BSPRY: variants seen among roughly 807,000 people sequenced by gnomAD.
BSPRY encodes B-box and SPRY domain containing, also known as B box and SPRY domain-containing protein.
In BSPRY, 33 loss-of-function variants were observed where a neutral mutation model predicts 38.0. That is an observed-to-expected ratio of 0.87 (90% confidence interval 0.66 to 1.16). BSPRY has a LOEUF of 1.16. Ranked by LOEUF, BSPRY falls within the 50% of genes most tolerant of loss-of-function variation. BSPRY has a pLI of 0.00. For synonymous variants in BSPRY, 224 were observed against 228.5 expected (o/e 0.98, Z 0.18); for missense variants, 523 against 533.2 (o/e 0.98, Z 0.19).
rs1413856553 is a variant in BSPRY at position 113,357,902 on chromosome 9, A to C, written c.301-2605A>C. Among the ~76,000 whole-genome samples, 3 of 4,462 alleles carry C rather than the reference A, an allele frequency of 6.7e-4. 1 individual carries two copies. Among genetic ancestry groups the C allele is most frequent in the Non-Finnish European group, 1.3e-3 (3 of 2,308 alleles). 2.9% of individuals were successfully genotyped at this position (4,462 alleles called of 152,430 possible). ...TGTAGAGTTCTATATATATATATATATATATATATATATATATATATATAT... is the reference window on the plus strand; with the variant it reads ...TGTAGAGTTCTATATATATATATATCTATATATATATATATATATATATAT... On this transcript the variant is annotated intron_variant, in intron 2 of 5. Transcript: ENST00000374183.
At position 113,369,693 on chromosome 9, in the gene BSPRY, T is replaced by G; in HGVS notation, c.760T>G (p.Phe254Val). The change falls in exon 6 of 6, where the codon TTC becomes GTC. Residue 254 changes from phenylalanine (F) to valine (V), a missense_variant. Physicochemically the swap from Phe to Val is conservative, Grantham distance 50. Coordinates refer to ENST00000374183, the MANE Select transcript of BSPRY (RefSeq NM_017688.3). Reference sequence around the variant, plus strand: ...GTCAGATGATCGAAAGACCCTGACCTTCAGCACCAAGAAGTCAAAGGCCTG... The same window carrying G: ...GTCAGATGATCGAAAGACCCTGACCGTCAGCACCAAGAAGTCAAAGGCCTG... The part of the protein sequence containing the change: ...QLSDDRKTLT[F>V]STKKSKACAD... 6.2e-7 allele frequency: 1 copy of G among 1,614,194 alleles called. No individual in the cohort carries two copies. Among genetic ancestry groups the G allele is most frequent in the Non-Finnish European group, 8.5e-7 (1 of 1,180,030 alleles).
At chr9:113,355,996 A>G (rs1447543657) in intron 2 of BSPRY, among the ~76,000 whole-genome samples, 3 of 152,204 alleles carry the variant, frequency 2.0e-5, no homozygotes, top group African/African-American at 7.2e-5. Context: ...AGCACCTACC[A>G]TGTGCCAGAT....
chr9:113,353,105 G>C (rs1488134264), intron 1 of BSPRY, among the ~76,000 whole-genome samples: 1 of 152,224 alleles, frequency 6.6e-6, no homozygotes, highest in Admixed American at 6.5e-5. Context: ...GTTATAACGG[G>C]CTGAGCGTGG....
chr9:113,366,915 A>T (rs76490964), intron 4 of BSPRY, among the ~76,000 whole-genome samples: 13,334 of 152,256 alleles, frequency 0.088, 666 homozygotes, highest in African/African-American at 0.13. Flanking sequence ...GCCATGAGAT[A>T]TGGGGAGAGA....
intron 2 of BSPRY, among the ~76,000 whole-genome samples, chr9:113,357,938 A>G (rs1420325515): frequency 5.2e-5 from 4 of 77,032 alleles, no homozygotes; most frequent in African/African-American, 2.3e-4. Flanking sequence ...ATATATATAT[A>G]TATATCTCTA....
chr9:113,354,158 G>T lies in BSPRY; in HGVS notation c.202-82G>T, dbSNP rs939314621. On this transcript the variant is annotated intron_variant, in intron 1 of 5. Coordinates refer to ENST00000374183, the MANE Select transcript of BSPRY (RefSeq NM_017688.3). ...CCATGGGAGTGGGTGGCTGACATGT[G>T]GTAACAGGAGAAAATCACTGGGATG... 3.0e-4 allele frequency: 344 copies of T among 1,159,140 alleles called. 1 individual carries two copies. The highest frequency in any genetic ancestry group is 6.3e-5 in the Non-Finnish European group (49 of 777,172). 71.8% of individuals were successfully genotyped at this position (1,159,140 alleles called of 1,614,324 possible).
chr9:113,359,583 C>T (rs1834116562), intron 2 of BSPRY, among the ~76,000 whole-genome samples: 1 of 152,208 alleles, frequency 6.6e-6, no homozygotes, highest in South Asian at 2.1e-4. Flanking sequence ...AGTGCAGCTG[C>T]CTTATGCAAC....
intron 2 of BSPRY, among the ~76,000 whole-genome samples, chr9:113,359,885 A>ATT (rs1834120936): frequency 9.5e-6 from 1 of 104,760 alleles, no homozygotes; most frequent in Non-Finnish European, 1.8e-5. Flanking sequence ...AAAAAATTTA[A>ATT]AAAAAAAAAT....
chr9:113,356,611 G>T (rs977300360), intron 2 of BSPRY, among the ~76,000 whole-genome samples: 1 of 152,194 alleles, frequency 6.6e-6, no homozygotes, highest in Non-Finnish European at 1.5e-5. Context: ...AATCCAGGTG[G>T]GAAACAAGTG....
chr9:113,356,232 C>T (rs1202912864), intron 2 of BSPRY, among the ~76,000 whole-genome samples: 1 of 152,124 alleles, frequency 6.6e-6, no homozygotes, highest in Non-Finnish European at 1.5e-5. Flanking sequence ...AGGCTGGGCG[C>T]AGTGGCTCAT....
At chr9:113,361,647 G>A (rs1245891517) in intron 3 of BSPRY, among the ~76,000 whole-genome samples, 1 of 152,164 alleles carries the variant, frequency 6.6e-6, no homozygotes, top group East Asian at 1.9e-4. Context: ...AACTAGCTGT[G>A]TCAAAGGAAG....
rs527634482 is a variant in BSPRY at position 113,371,069 on chromosome 9, T to A, written c.*927T>A. 1 of 102,520 alleles carries A rather than the reference T, an allele frequency of 9.8e-6. No homozygotes were observed. The highest frequency in any genetic ancestry group is 2.9e-5 in the African/African-American group (1 of 34,688). The allele number at this position is 102,520 out of a possible 1,614,324, so 6.4% of individuals were successfully genotyped here. ...CCCACTGATAATAGCAGGGACGGCC[T>A]TTTCTCTTAGAGCAGCTGATAAGTT... On this transcript the variant is annotated 3_prime_UTR_variant, in exon 6 of 6. Transcript: ENST00000374183.
intron 4 of BSPRY, among the ~76,000 whole-genome samples, chr9:113,366,973 T>C (rs1480814352): frequency 1.3e-5 from 2 of 152,188 alleles, no homozygotes; most frequent in East Asian, 1.9e-4. Flanking sequence ...ATCTTCAGGA[T>C]TGGAGGCAGT....
intron 1 of BSPRY, among the ~76,000 whole-genome samples, chr9:113,351,127 G>A (rs985234883): frequency 6.6e-6 from 1 of 152,156 alleles, no homozygotes; most frequent in Admixed American, 6.5e-5. Context: ...CTTAAAAGTA[G>A]CTATCAGGAC....
At chr9:113,359,954 C>T (rs1429445797) in intron 2 of BSPRY, among the ~76,000 whole-genome samples, 1 of 152,114 alleles carries the variant, frequency 6.6e-6, no homozygotes, top group Non-Finnish European at 1.5e-5. Flanking sequence ...CTAAGAATTA[C>T]AAGAAGACAC....
At position 113,370,399 on chromosome 9, in the gene BSPRY, A is replaced by C; in HGVS notation, c.*257A>C. On this transcript the variant is annotated 3_prime_UTR_variant, in exon 6 of 6. Transcript: ENST00000374183. This position sits in a 1 kb window ranked among gnomAD's most constrained non-coding sequence, Gnocchi z 4.8. ...GGGCCACATAAAATACACTAACGAT[A>C]GCTGATGAGCTAAAAAAAAAAAAAA... 3.0e-6 allele frequency: 1 copy of C among 338,950 alleles called. No individual in the cohort carries two copies. Among genetic ancestry groups the C allele is most frequent in the Non-Finnish European group, 5.2e-6 (1 of 192,840 alleles). The allele number at this position is 338,950 out of a possible 1,614,324, so 21.0% of individuals were successfully genotyped here.
chr9:113,358,430 A>T (rs1246225646), intron 2 of BSPRY, among the ~76,000 whole-genome samples: 1 of 151,622 alleles, frequency 6.6e-6, no homozygotes, highest in East Asian at 2.0e-4. Context: ...CACCAGGCCC[A>T]GCTAATTTTT....
intron 4 of BSPRY, among the ~76,000 whole-genome samples, chr9:113,365,733 A>AAGAGAGAG (rs750918178): frequency 5.0e-4 from 69 of 137,790 alleles, no homozygotes; most frequent in Middle Eastern, 7.2e-3. Flanking sequence ...GAGAAAGAGA[A>AAGAGAGAG]AGAGAGAGAG....
At chr9:113,350,327 C>A (rs537041582) in intron 1 of BSPRY, among the ~76,000 whole-genome samples, 40 of 152,278 alleles carry the variant, frequency 2.6e-4, no homozygotes, top group Admixed American at 1.4e-3. Context: ...TGCTCCTAAC[C>A]CCTTCTGGCT....
Sources: allele counts gnomAD v4.1 joint callset (sites outside exome capture counted in the v4.1 genomes callset), GRCh38; gene constraint gnomAD v4.1.1; non-coding constraint Gnocchi (gnomAD v3.1); transcripts MANE v1.5; gene names NCBI Gene and HGNC (gene_info 2026-07-23, HGNC 2026-07-21).